The following PLCB1 variants were observed in gnomAD, a reference collection of about 807,000 sequenced individuals.
PLCB1 encodes phospholipase C beta 1.
In PLCB1, 46 loss-of-function variants were observed where a neutral mutation model predicts 161.8. The observed-to-expected ratio is 0.28, with a 90% CI of 0.22 to 0.36. The LOEUF (loss-of-function observed/expected upper bound fraction) is 0.36. Ranked by LOEUF, PLCB1 falls within the 10% of genes least tolerant of loss-of-function variation. The pLI, the probability that PLCB1 is intolerant of heterozygous loss-of-function variation, is 1.00. For missense variants in PLCB1, 1,016 were observed against 1,472.5 expected, an observed-to-expected ratio of 0.69 and a Z score of 5.07; for synonymous variants, 517 against 503.7, an observed-to-expected ratio of 1.03 and a Z score of -0.35.
At chr20:8,583,666 G>T (rs1409244228) in intron 3 of PLCB1, among the ~76,000 whole-genome samples, 2 of 152,158 alleles carry the variant, frequency 1.3e-5, no homozygotes, top group Non-Finnish European at 2.9e-5. Flanking sequence ...CCCATTTCCT[G>T]CTGCATACCT....
chr20:8,417,925 A>G (rs1433530996), intron 3 of PLCB1, among the ~76,000 whole-genome samples: 1 of 152,238 alleles, frequency 6.6e-6, no homozygotes, highest in Non-Finnish European at 1.5e-5. Flanking sequence ...TGTTACACAC[A>G]GGATGTTGCT....
chr20:8,507,715 T>C (rs999619828), intron 3 of PLCB1, among the ~76,000 whole-genome samples: 1 of 152,016 alleles, frequency 6.6e-6, no homozygotes, highest in African/African-American at 2.4e-5. Context: ...CCCAGGGGGA[T>C]TGGAGAGAGT....
chr20:8,527,083 A>G (rs892718616), intron 3 of PLCB1, among the ~76,000 whole-genome samples: 2 of 152,126 alleles, frequency 1.3e-5, no homozygotes, highest in African/African-American at 4.8e-5. Flanking sequence ...TGCCAGACAC[A>G]CTTGAGTATG....
chr20:8,352,204 A>G (rs926670604), intron 2 of PLCB1, among the ~76,000 whole-genome samples: 8 of 152,184 alleles, frequency 5.3e-5, no homozygotes, highest in African/African-American at 1.4e-4. Context: ...CCTTAAATGC[A>G]TAATGCTAAG....
intron 3 of PLCB1, among the ~76,000 whole-genome samples, chr20:8,499,834 G>C (rs1300769085): frequency 6.6e-6 from 1 of 152,168 alleles, no homozygotes; most frequent in Non-Finnish European, 1.5e-5. Context: ...CATACTAGAA[G>C]TGTATTATTT....
intron 2 of PLCB1, among the ~76,000 whole-genome samples, chr20:8,178,874 C>G (rs1021525452): frequency 1.2e-4 from 18 of 152,180 alleles, no homozygotes; most frequent in Non-Finnish European, 2.2e-4. Flanking sequence ...ATCCTAGCAC[C>G]ATTTATTGAA....
chr20:8,820,105 T>C (rs2146262770), intron 31 of PLCB1, among the ~76,000 whole-genome samples: 1 of 146,086 alleles, frequency 6.8e-6, no homozygotes, highest in Non-Finnish European at 1.5e-5. Context: ...GTTTTATTTA[T>C]GTTTTTTTTT....
chr20:8,720,987 C>T (rs928612076), intron 14 of PLCB1, among the ~76,000 whole-genome samples: 1 of 152,076 alleles, frequency 6.6e-6, no homozygotes, highest in East Asian at 1.9e-4. Context: ...ATAATCGATT[C>T]ACCTTATTAA....
chr20:8,175,870 C>T lies in PLCB1; in HGVS notation c.177+25499C>T, dbSNP rs2051777878. Among the ~76,000 whole-genome samples, 3 of 152,006 alleles carry T rather than the reference C, an allele frequency of 2.0e-5. No individual in the cohort carries two copies. In the South Asian group the frequency reaches 6.2e-4, roughly 32 times the overall value. On this transcript the variant is annotated intron_variant, in intron 2 of 31. Coordinates refer to ENST00000338037, the MANE Select transcript of PLCB1 (RefSeq NM_015192.4). ...TCCATTTAGAAAATGGGTAAAAGGT[C>T]TAAGTAGACAATCCACTAAAGAGGA...
intron 16 of PLCB1, among the ~76,000 whole-genome samples, chr20:8,724,967 A>G (rs1315067391): frequency 6.6e-6 from 1 of 152,162 alleles, no homozygotes; most frequent in Admixed American, 6.5e-5. Context: ...AAAGTATTCT[A>G]TGGTGTTCTC....
chr20:8,760,707 T>G (rs1981976634), intron 25 of PLCB1, among the ~76,000 whole-genome samples: 1 of 152,222 alleles, frequency 6.6e-6, no homozygotes, highest in African/African-American at 2.4e-5. Context: ...AAGATAGCTA[T>G]TTCAGCATCA....
chr20:8,590,822 A>AT lies in PLCB1; in HGVS notation c.247-37462dup, dbSNP rs571816532. Among the ~76,000 whole-genome samples the AT allele has an allele frequency of 3.2e-3, 475 of 150,402 alleles. 2 individuals are homozygous for AT. The highest frequency in any genetic ancestry group is 5.7e-3 in the Non-Finnish European group (382 of 67,514). ...GATAATCCAGAATAATCCTACTTTA[A>AT]TTTTTTTTTTAAGTTCTGGGGTCCA... On this transcript the variant is annotated intron_variant, in intron 3 of 31. Transcript: ENST00000338037.
rs1450261218 is a variant in PLCB1, at chr20:8,728,967, G to A, written c.1764-83G>A. The A allele has an allele frequency of 1.3e-5, 12 of 920,502 alleles. No individual in the cohort carries two copies. In the Admixed American group the frequency reaches 2.6e-4, roughly 20 times the overall value. 57.0% of individuals were successfully genotyped at this position (920,502 alleles called of 1,614,324 possible). ...ATATTTACTTCATTTTCCAAATGGA[G>A]AAAGATGGAAGGTAGCTTCTTAGTT... On this transcript the variant is annotated intron_variant, in intron 17 of 31. Coordinates refer to ENST00000338037, the MANE Select transcript of PLCB1 (RefSeq NM_015192.4).
intron 3 of PLCB1, among the ~76,000 whole-genome samples, chr20:8,568,600 G>T (rs1045306324): frequency 1.3e-5 from 2 of 152,144 alleles, no homozygotes; most frequent in African/African-American, 4.8e-5. Context: ...TAAAAGACCA[G>T]TGTACACTGT....
chr20:8,331,632 T>A (rs6055745), intron 2 of PLCB1, among the ~76,000 whole-genome samples: 51,818 of 151,940 alleles, frequency 0.34, 9,444 homozygotes, highest in South Asian at 0.49. Context: ...ACTAAAAGAG[T>A]GGCTTTGGAA....
intron 30 of PLCB1, among the ~76,000 whole-genome samples, chr20:8,789,779 A>G (rs1983662738): frequency 6.6e-6 from 1 of 152,238 alleles, no homozygotes; most frequent in Non-Finnish European, 1.5e-5. Flanking sequence ...GGATTCATCT[A>G]AAAATAGAGT....
intron 3 of PLCB1, among the ~76,000 whole-genome samples, chr20:8,571,736 T>C (rs2123052036): frequency 6.6e-6 from 1 of 152,132 alleles, no homozygotes; most frequent in South Asian, 2.1e-4. Context: ...GAGCAACTGG[T>C]GGGTTGATGG....
At chr20:8,578,515 G>C (rs565858269) in intron 3 of PLCB1, among the ~76,000 whole-genome samples, 5 of 152,314 alleles carry the variant, frequency 3.3e-5, no homozygotes, top group African/African-American at 1.2e-4. Flanking sequence ...GAACACATGT[G>C]AGTTATTTGC....
At chr20:8,846,647 C>G (rs1986700711) in intron 31 of PLCB1, among the ~76,000 whole-genome samples, 1 of 152,120 alleles carries the variant, frequency 6.6e-6, no homozygotes. Flanking sequence ...AGCTTAAACA[C>G]CAAATCATGA....
Sources: gnomAD v4.1 joint callset for allele counts (sites outside exome capture counted in the v4.1 genomes callset) on GRCh38, gnomAD v4.1.1 for gene constraint, MANE v1.5 for transcripts, NCBI Gene and HGNC (gene_info 2026-07-23, HGNC 2026-07-21) for gene names.